The following CMC4 variants were observed in gnomAD, a reference collection of about 807,000 sequenced individuals.
CMC4 encodes the protein cx9C motif-containing protein 4.
CMC4 carries 4 observed loss-of-function variants against 5.1 expected under a neutral mutation model. That is an observed-to-expected ratio of 0.78 (90% CI 0.38 to 1.78). The LOEUF is 1.78. Ranked by LOEUF, CMC4 falls within the 40% of genes most tolerant of loss-of-function variation. CMC4 has a pLI of 0.04. For missense variants in CMC4, 52 were observed against 51.3 expected (o/e 1.01, Z -0.04); for synonymous variants, 23 against 18.9 (o/e 1.22, Z -0.57).
chrX:155,070,501 C>T (rs782434547), intron 1 of CMC4, among the ~76,000 whole-genome samples, 193 bp downstream of exon 1: 1 of 111,376 alleles, frequency 9.0e-6, no homozygotes, highest in African/African-American at 3.3e-5. Flanking sequence ...CAAGGAGACC[C>T]GAGGAAACTT....
intron 1 of CMC4, chrX:155,065,171 C>T (rs1366904863): frequency 1.3e-5 from 4 of 302,692 alleles, no homozygotes; most frequent in African/African-American, 2.7e-5. Flanking sequence ...TTTCAAGTTA[C>T]GGATCCTGAC....
intron 1 of CMC4, among the ~76,000 whole-genome samples, chrX:155,068,145 A>C (rs2073955889): frequency 8.9e-6 from 1 of 112,600 alleles, no homozygotes; most frequent in African/African-American, 3.2e-5. Context: ...GGACCATCTC[A>C]ATTTCATAGA....
At chrX:155,066,329 A>C (rs2073948080) in intron 1 of CMC4, among the ~76,000 whole-genome samples, 1 of 112,614 alleles carries the variant, frequency 8.9e-6, no homozygotes, top group South Asian at 3.6e-4. Context: ...CTAGCACTAC[A>C]GGAAGCTGGG....
intron 2 of CMC4, 135 bp downstream of exon 2, chrX:155,063,831 A>G: frequency 3.8e-6 from 2 of 520,011 alleles, no homozygotes; most frequent in Admixed American, 3.8e-5. Flanking sequence ...TGATGATACA[A>G]TGAAGAGAAT....
intron 2 of CMC4, among the ~76,000 whole-genome samples, chrX:155,063,099 A>G (rs1557291742): frequency 8.9e-6 from 1 of 112,299 alleles, no homozygotes; most frequent in Admixed American, 9.4e-5. Flanking sequence ...TTTTCCTTAA[A>G]GTTGGAGGGA....
intron 2 of CMC4, among the ~76,000 whole-genome samples, chrX:155,063,686 C>A (rs2073936854): frequency 9.0e-6 from 1 of 111,578 alleles, no homozygotes; most frequent in African/African-American, 3.3e-5. Flanking sequence ...CAACAAAAAA[C>A]CCTTTTTTTC....
In CMC4 at chrX:155,062,044, G is replaced by A. The variant is rs73569627; in HGVS notation, c.59-53C>T. On this transcript the variant is annotated intron_variant, in intron 2 of 2. Coordinates refer to ENST00000369484, the MANE Select transcript of CMC4 (RefSeq NM_001018024.3). ...CATGATCTCATAGGACTAAGGTACAGGGAGGTTTAGATCAGTGCTTCCCAC... is the reference window on the plus strand; with the variant it reads ...CATGATCTCATAGGACTAAGGTACAAGGAGGTTTAGATCAGTGCTTCCCAC... 1,777 of 1,130,084 alleles carry A rather than the reference G, an allele frequency of 1.6e-3. 19 individuals are homozygous for A. The African/African-American group carries it at 0.029, about 19-fold the overall frequency. 93.1% of individuals were successfully genotyped at this position (1,130,084 alleles called of 1,213,427 possible). A position where few individuals can be genotyped will look rare whatever the true frequency, so the allele number is the denominator to read the frequency against.
chrX:155,062,270 C>T (rs1393281189), intron 2 of CMC4, among the ~76,000 whole-genome samples: 1 of 112,080 alleles, frequency 8.9e-6, no homozygotes, highest in Non-Finnish European at 1.9e-5. Context: ...TGGTTTTTAA[C>T]ATCATTTTTA....
chrX:155,063,750 C>G (rs1443630962), intron 2 of CMC4, among the ~76,000 whole-genome samples: 3 of 111,268 alleles, frequency 2.7e-5, no homozygotes, highest in African/African-American at 9.8e-5. Context: ...TTAAAGATCT[C>G]CAGGTGATGC....
chrX:155,065,927 C>G, intron 1 of CMC4: 2 of 1,211,815 alleles, frequency 1.7e-6, no homozygotes, highest in Non-Finnish European at 1.1e-6. Flanking sequence ...CGGCCACCCA[C>G]GTGCGCTGGT....
chrX:155,064,054 T>A, intron 1 of CMC4, 21 bp from the exon 2 acceptor site: 1 of 1,155,601 alleles, frequency 8.7e-7, no homozygotes, highest in Admixed American at 2.8e-5. Flanking sequence ...AAAAATGATT[T>A]TTATTTTTCT....
intron 1 of CMC4, among the ~76,000 whole-genome samples, chrX:155,067,885 A>G (rs1261123262): frequency 8.9e-6 from 1 of 112,040 alleles, no homozygotes; most frequent in Non-Finnish European, 1.9e-5. Context: ...GTGGGTAGAG[A>G]TTGATTCTCT....
intron 1 of CMC4, among the ~76,000 whole-genome samples, chrX:155,068,830 A>G (rs1557292200): frequency 8.9e-6 from 1 of 112,711 alleles, no homozygotes; most frequent in African/African-American, 3.2e-5. Context: ...TCTCGAACTA[A>G]GACGAATCTT....
Position 155,061,901 on chromosome X carries a change from C to G in CMC4, c.149G>C (p.Cys50Ser), listed in dbSNP as rs146554247. 6.6e-4 allele frequency: 796 copies of G among 1,210,114 alleles called. 1 individual carries two copies. The highest frequency in any genetic ancestry group is 8.7e-4 in the Non-Finnish European group (779 of 895,155). ...TTCCTCTTCTTTTTCAAATCCTGAA[C>G]AGACGACAGATCTTCCCTTGGGATA... ...AQYPKGRSVV[C>S]SGFEKEEEEN... Residue 50 changes from cysteine to serine, a missense_variant, in exon 3 of 3, where the codon TGT becomes TCT. Physicochemically the swap from Cys to Ser is moderately radical, Grantham distance 112 (BLOSUM62 -1). Coordinates refer to ENST00000369484, the MANE Select transcript of CMC4 (RefSeq NM_001018024.3).
intron 1 of CMC4, among the ~76,000 whole-genome samples, chrX:155,070,231 T>C (rs1377331529): frequency 1.8e-5 from 2 of 111,806 alleles, no homozygotes; most frequent in Non-Finnish European, 3.8e-5. Context: ...ACCTTGGGAA[T>C]GTTCCCTTTC....
intron 1 of CMC4, chrX:155,065,668 C>T: frequency 1.2e-5 from 14 of 1,211,430 alleles, no homozygotes; most frequent in Admixed American, 2.2e-5. Flanking sequence ...ATCCATGTAG[C>T]GCTCCTCCGG....
intron 1 of CMC4, among the ~76,000 whole-genome samples, chrX:155,067,906 C>T (rs782776044): frequency 1.8e-5 from 2 of 112,326 alleles, no homozygotes; most frequent in Admixed American, 1.9e-4. Flanking sequence ...AGGCATAAGC[C>T]TCTGGCTATA....
chrX:155,062,317 C>T (rs1371779539), intron 2 of CMC4, among the ~76,000 whole-genome samples: 1 of 112,198 alleles, frequency 8.9e-6, no homozygotes, highest in African/African-American at 3.2e-5. Flanking sequence ...GGAAAATGCA[C>T]ATACACCACA....
At chrX:155,065,879 A>G (rs375693258) in intron 1 of CMC4, 166 of 1,200,931 alleles carry the variant, frequency 1.4e-4, no homozygotes, top group Non-Finnish European at 1.8e-4. Context: ...GCAAAATCAA[A>G]GAAATAAGCA....
Sources: allele counts gnomAD v4.1 joint callset (sites outside exome capture counted in the v4.1 genomes callset), GRCh38; gene constraint gnomAD v4.1.1; transcripts MANE v1.5; gene names NCBI Gene and HGNC (gene_info 2026-07-23, HGNC 2026-07-21).